VPS37A: variants seen among roughly 807,000 people sequenced by gnomAD.
VPS37A encodes the protein VPS37A subunit of ESCRT-I.
A neutral mutation model predicts 49.8 loss-of-function variants in VPS37A; 30 were observed. That is an observed-to-expected ratio of 0.60 (90% CI 0.45 to 0.82). The LOEUF is 0.82. VPS37A is among the 40% of genes least tolerant of loss of function. The probability of loss-of-function intolerance (pLI) is 0.00; values close to 1 mark genes in which losing one functional copy is unlikely to be tolerated. For synonymous variants in VPS37A, 195 were observed against 160.6 expected (o/e 1.21, Z -1.62); for missense variants, 593 against 464.4 (o/e 1.28, Z -2.55).
At chr8:17,312,693 C>T in the VPS37A span, among the ~76,000 whole-genome samples, 1 of 151,622 alleles carries the variant, frequency 6.6e-6, no homozygotes, top group African/African-American at 2.4e-5. Context: ...TAGAATAGTA[C>T]CTGGCACTAA....
At chr8:17,253,661 ATAT>A (rs1480874002) in intron 1 of VPS37A, among the ~76,000 whole-genome samples, 1 of 152,162 alleles carries the variant, frequency 6.6e-6, no homozygotes, top group Non-Finnish European at 1.5e-5. Flanking sequence ...TGTAACTCAG[ATAT>A]TATTTTTTCC....
chr8:17,274,487 T>C (rs1362088392), intron 4 of VPS37A, among the ~76,000 whole-genome samples: 1 of 151,520 alleles, frequency 6.6e-6, no homozygotes, highest in African/African-American at 2.4e-5. Context: ...GCATGCTTTC[T>C]AAAGCACCCA....
At chr8:17,272,048 T>C in intron 4 of VPS37A, 1 of 456,778 alleles carries the variant, frequency 2.2e-6, no homozygotes, top group Non-Finnish European at 4.4e-6. Context: ...CTTAGCTAGA[T>C]CATCCAATTC....
chr8:17,294,723 C>G (rs1816481851), intron 11 of VPS37A, among the ~76,000 whole-genome samples: 2 of 152,152 alleles, frequency 1.3e-5, no homozygotes, highest in Non-Finnish European at 2.9e-5. Context: ...TGAGGCAACA[C>G]CCCACCCTGC....
intron 11 of VPS37A, among the ~76,000 whole-genome samples, chr8:17,290,486 A>T (rs1476108932): frequency 6.6e-6 from 1 of 152,082 alleles, no homozygotes; most frequent in African/African-American, 2.4e-5. Context: ...ACGTTTATTG[A>T]TTTGCGTATG....
At chr8:17,317,326 G>A in the VPS37A span, among the ~76,000 whole-genome samples, 3 of 152,172 alleles carry the variant, frequency 2.0e-5, no homozygotes, top group Non-Finnish European at 2.9e-5. Context: ...TAACATCTGC[G>A]AGTCCTTTGT....
chr8:17,309,363 C>A, the VPS37A span: 1 of 1,394,126 alleles, frequency 7.2e-7, no homozygotes, highest in Non-Finnish European at 1.0e-6. Flanking sequence ...TGGAGAGAAG[C>A]AAACGAAAAA....
intron 1 of VPS37A, chr8:17,247,871 G>A (rs762002535): frequency 2.1e-5 from 14 of 665,930 alleles, no homozygotes; most frequent in Non-Finnish European, 3.8e-5. Flanking sequence ...TTATCACGTA[G>A]TCAGTCTTCT....
the VPS37A span, among the ~76,000 whole-genome samples, chr8:17,312,458 C>G: frequency 2.0e-5 from 3 of 151,502 alleles, no homozygotes; most frequent in Non-Finnish European, 4.4e-5. Flanking sequence ...GCCAGTAATT[C>G]CAGCTACTTG....
At chr8:17,263,825 C>T (rs181961687) in intron 1 of VPS37A, among the ~76,000 whole-genome samples, 1 of 152,188 alleles carries the variant, frequency 6.6e-6, no homozygotes, top group Admixed American at 6.5e-5. Flanking sequence ...CCTGTAGTCC[C>T]AGCTACTCAT....
chr8:17,286,499 G>C, intron 11 of VPS37A, 72 bp downstream of exon 11: 1 of 1,351,518 alleles, frequency 7.4e-7, no homozygotes, highest in South Asian at 1.2e-5. Context: ...GTTGTTAACG[G>C]TGCCTGTTCA....
chr8:17,294,767 C>T (rs780896708), intron 11 of VPS37A, among the ~76,000 whole-genome samples: 1 of 152,156 alleles, frequency 6.6e-6, no homozygotes, highest in African/African-American at 2.4e-5. Context: ...CACCCACTGT[C>T]TAACCAGTCC....
At chr8:17,318,354 C>G in the VPS37A span, among the ~76,000 whole-genome samples, 1 of 151,994 alleles carries the variant, frequency 6.6e-6, no homozygotes, top group African/African-American at 2.4e-5. Flanking sequence ...GGGCTGAAGA[C>G]AAGTTTACAG....
downstream of VPS37A, chr8:17,302,020 G>T: frequency 4.3e-6 from 5 of 1,154,606 alleles, 1 homozygote; most frequent in South Asian, 7.2e-5. Flanking sequence ...CCTGGATGGG[G>T]TTGTGTTTCA....
chr8:17,278,908 T>C (rs1362912174), intron 6 of VPS37A, among the ~76,000 whole-genome samples: 1 of 152,126 alleles, frequency 6.6e-6, no homozygotes, highest in Non-Finnish European at 1.5e-5. Flanking sequence ...CGTTTTTATA[T>C]GGCTCCATAG....
At chr8:17,316,051 C>T in the VPS37A span, among the ~76,000 whole-genome samples, 1 of 152,122 alleles carries the variant, frequency 6.6e-6, no homozygotes, top group African/African-American at 2.4e-5. Context: ...CTCGTGTTTT[C>T]GTGTCATCCT....
chr8:17,299,774 T>A (rs1391668361), downstream of VPS37A: 3 of 1,535,844 alleles, frequency 2.0e-6, no homozygotes, highest in African/African-American at 4.2e-5. Context: ...CATGCACCAT[T>A]TCCTGTTTTT....
chr8:17,268,836 T>C lies in VPS37A; in HGVS notation c.316-20T>C, dbSNP rs562479330. 42 of 1,492,822 alleles carry C rather than the reference T, an allele frequency of 2.8e-5. No individual in the cohort carries two copies. In the South Asian group the frequency reaches 4.9e-4, roughly 17 times the overall value. The allele number at this position is 1,492,822 out of a possible 1,614,324, so 92.5% of individuals were successfully genotyped here. Reference sequence around the variant, plus strand: ...CTTTTTCTGGAAGTGATTTTAAGCGTCATGTATTGTTACTTTCAGTTTACA... The same window carrying C: ...CTTTTTCTGGAAGTGATTTTAAGCGCCATGTATTGTTACTTTCAGTTTACA... On this transcript the variant is annotated intron_variant, in intron 3 of 11. Coordinates refer to ENST00000324849, the MANE Select transcript of VPS37A (RefSeq NM_152415.3).
At chr8:17,320,968 A>T in the VPS37A span, among the ~76,000 whole-genome samples, 1 of 151,520 alleles carries the variant, frequency 6.6e-6, no homozygotes, top group Non-Finnish European at 1.5e-5. Context: ...GATTCCTCCA[A>T]GCCTTCCATA....
Sources: allele counts gnomAD v4.1 joint callset (sites outside exome capture counted in the v4.1 genomes callset), GRCh38; gene constraint gnomAD v4.1.1; transcripts MANE v1.5; gene names NCBI Gene and HGNC (gene_info 2026-07-23, HGNC 2026-07-21).